The following LPCAT2 variants were observed in gnomAD, a reference collection of about 807,000 sequenced individuals.
The protein encoded by LPCAT2 is lysophosphatidylcholine acyltransferase 2.
A neutral mutation model predicts 64.7 loss-of-function variants in LPCAT2; 58 were observed. The ratio of observed to expected loss-of-function variants is 0.90; its 90% CI spans 0.73 to 1.12. The LOEUF (loss-of-function observed/expected upper bound fraction) is 1.12. LPCAT2 is among the 50% of genes most tolerant of loss of function. The probability of loss-of-function intolerance (pLI) is 0.00; values close to 1 mark genes in which losing one functional copy is unlikely to be tolerated. For synonymous variants in LPCAT2, 252 were observed against 245.3 expected (o/e 1.03, Z -0.26); for missense variants, 579 against 669.8 (o/e 0.86, Z 1.50).
intron 11 of LPCAT2, among the ~76,000 whole-genome samples, chr16:55,561,764 C>T (rs950047007): frequency 2.6e-5 from 4 of 151,886 alleles, no homozygotes; most frequent in Admixed American, 6.6e-5. Context: ...CTTGTGATTC[C>T]CTAAAAGGAA....
At chr16:55,545,323 A>AAAAG (rs1428597882) in intron 8 of LPCAT2, among the ~76,000 whole-genome samples, 2 of 152,206 alleles carry the variant, frequency 1.3e-5, no homozygotes, top group Non-Finnish European at 2.9e-5. Flanking sequence ...AGGCAAAGAG[A>AAAAG]AAAGAAAAAA....
intron 8 of LPCAT2, chr16:55,538,779 T>A (rs768128501): frequency 2.9e-4 from 44 of 151,502 alleles, no homozygotes; most frequent in Non-Finnish European, 6.0e-4. Flanking sequence ...CATTTGGAAG[T>A]ATCAAGGGAA....
intron 8 of LPCAT2, among the ~76,000 whole-genome samples, chr16:55,545,059 T>C (rs1963438378): frequency 6.6e-6 from 1 of 152,126 alleles, no homozygotes; most frequent in Non-Finnish European, 1.5e-5. Flanking sequence ...ACGTAATAAC[T>C]TGAATATGGC....
chr16:55,525,888 T>C (rs951701114), intron 2 of LPCAT2: 1 of 263,108 alleles, frequency 3.8e-6, no homozygotes, highest in Non-Finnish European at 7.0e-6. Flanking sequence ...AACTACATTA[T>C]GATAATCTTC....
At chr16:55,561,591 AC>A (rs1444335477) in intron 11 of LPCAT2, among the ~76,000 whole-genome samples, 26 of 148,352 alleles carry the variant, frequency 1.8e-4, no homozygotes, top group Non-Finnish European at 3.0e-4. Context: ...TTGGATTTAA[AC>A]CACAGCAAAA....
At chr16:55,551,134 C>T (rs1963513126) in intron 11 of LPCAT2, 32 bp downstream of exon 11, 1 of 1,587,180 alleles carries the variant, frequency 6.3e-7, no homozygotes, top group African/African-American at 1.3e-5. Context: ...CACATTTTTA[C>T]TCTGTCAGTC....
At chr16:55,517,591 C>T (rs1963031172) in intron 1 of LPCAT2, among the ~76,000 whole-genome samples, 2 of 152,060 alleles carry the variant, frequency 1.3e-5, no homozygotes, top group Admixed American at 6.6e-5. Flanking sequence ...CAAAAATCCT[C>T]AATAAAATGC....
chr16:55,550,201 TTTAG>T (rs1376598320), intron 10 of LPCAT2, among the ~76,000 whole-genome samples: 1 of 152,248 alleles, frequency 6.6e-6, no homozygotes, highest in Non-Finnish European at 1.5e-5. Context: ...ATTTAAAAAG[TTTAG>T]TTAGTCACTG....
At chr16:55,567,638 A>G (rs1347278657) in intron 11 of LPCAT2, 9 of 862,538 alleles carry the variant, frequency 1.0e-5, no homozygotes, top group African/African-American at 8.5e-5. Context: ...CATATTTCTG[A>G]TCATGTGCTG....
rs1963942340 is a variant in LPCAT2 at position 55,586,061 on chromosome 16, T to A, written c.*2963T>A. 1 of 152,110 alleles carries A rather than the reference T, an allele frequency of 6.6e-6. No homozygotes were observed. Among genetic ancestry groups the A allele is most frequent in the Non-Finnish European group, 1.5e-5 (1 of 68,014 alleles). 9.4% of individuals were successfully genotyped at this position (152,110 alleles called of 1,614,324 possible). A position where few individuals can be genotyped will look rare whatever the true frequency, so the allele number is the denominator to read the frequency against. ...TCCCGGGAAAGTAGACATACTTACA[T>A]TTTTTTCCTTTTCTGCTCATTTGAA... is the stretch of plus-strand genomic sequence containing the variant. On this transcript the variant is annotated 3_prime_UTR_variant, in exon 14 of 14. Coordinates refer to ENST00000262134, the MANE Select transcript of LPCAT2 (RefSeq NM_017839.5).
chr16:55,524,109 A>G (rs2142395936), intron 1 of LPCAT2, among the ~76,000 whole-genome samples: 2 of 151,960 alleles, frequency 1.3e-5, no homozygotes, highest in Middle Eastern at 6.8e-3. Context: ...TAAAACATTC[A>G]CATAAAGGCT....
chr16:55,509,989 G>GTATTTT (rs1196878080), intron 1 of LPCAT2, among the ~76,000 whole-genome samples: 4 of 65,206 alleles, frequency 6.1e-5, no homozygotes, highest in Non-Finnish European at 1.6e-4. Context: ...ATTTGAAGAA[G>GTATTTT]TCTTTTTTTT....
intron 8 of LPCAT2, chr16:55,538,542 A>G (rs1963352389): frequency 6.6e-6 from 1 of 152,108 alleles, no homozygotes; most frequent in South Asian, 2.1e-4. Flanking sequence ...TAGGAGGGCA[A>G]ATTACATTTC....
At chr16:55,527,950 A>G (rs1376265859) in intron 2 of LPCAT2, among the ~76,000 whole-genome samples, 2 of 152,210 alleles carry the variant, frequency 1.3e-5, no homozygotes, top group Non-Finnish European at 2.9e-5. Context: ...GATTCCCAAG[A>G]TAACCACTTT....
intron 1 of LPCAT2, among the ~76,000 whole-genome samples, chr16:55,510,001 T>G (rs1283278574): frequency 1.4e-5 from 2 of 147,880 alleles, no homozygotes; most frequent in Non-Finnish European, 3.0e-5. Context: ...CTTTTTTTTT[T>G]TTTTTTTGCC....
chr16:55,566,025 G>A (rs1345667643), intron 11 of LPCAT2, among the ~76,000 whole-genome samples: 1 of 152,164 alleles, frequency 6.6e-6, no homozygotes, highest in African/African-American at 2.4e-5. Flanking sequence ...TAACTAGAAA[G>A]AAGTATGAAG....
chr16:55,579,348 T>G, intron 13 of LPCAT2, 104 bp downstream of exon 13: 1 of 1,051,396 alleles, frequency 9.5e-7, no homozygotes, highest in Non-Finnish European at 1.4e-6. Flanking sequence ...ACATTAATAA[T>G]AGACATAATA....
chr16:55,575,282 G>T (rs1488755913), intron 12 of LPCAT2, among the ~76,000 whole-genome samples: 1 of 152,156 alleles, frequency 6.6e-6, no homozygotes, highest in African/African-American at 2.4e-5. Flanking sequence ...GGGAGCAGAT[G>T]AATAAAATTC....
At chr16:55,575,935 A>G (rs1963822910) in intron 12 of LPCAT2, among the ~76,000 whole-genome samples, 1 of 152,222 alleles carries the variant, frequency 6.6e-6, no homozygotes, top group Admixed American at 6.5e-5. Flanking sequence ...CATAAAACCT[A>G]AAATTACACA....
Sources: gnomAD v4.1 joint callset for allele counts (sites outside exome capture counted in the v4.1 genomes callset) on GRCh38, gnomAD v4.1.1 for gene constraint, MANE v1.5 for transcripts, NCBI Gene and HGNC (gene_info 2026-07-23, HGNC 2026-07-21) for gene names.